Variants in NKAIN3 observed in about 807,000 individuals in gnomAD.
NKAIN3 encodes sodium/potassium-transporting ATPase subunit beta-1-interacting protein 3.
In NKAIN3, 25 loss-of-function variants were observed where a neutral mutation model predicts 30.2. The observed-to-expected ratio is 0.83, with a 90% confidence interval of 0.60 to 1.16. The LOEUF (loss-of-function observed/expected upper bound fraction) is 1.16, where lower values mean the gene tolerates loss of function less well. Among genes scored for constraint, NKAIN3 ranks in the 50% most tolerant of loss-of-function variants. The pLI is 0.00. For missense variants in NKAIN3, 225 were observed against 254.1 expected, an observed-to-expected ratio of 0.89 and a Z score of 0.78; for synonymous variants, 91 against 89.6, an observed-to-expected ratio of 1.02 and a Z score of -0.09.
chr8:62,993,139 G>A lies in NKAIN3; in HGVS notation c.533-6092G>A, dbSNP rs763571446. 9.2e-5 allele frequency among the ~76,000 whole-genome samples: 14 copies of A among 152,000 alleles called. 1 individual carries two copies. In the South Asian group the frequency reaches 1.7e-3, roughly 18 times the overall value. ...TTTTTAGGGGCCAGGCCTGGAAGTC[G>A]TCCACATTACCTCTTTCTGCCCACA... On this transcript the variant is annotated intron_variant, in intron 5 of 5. Transcript: ENST00000519049.
chr8:62,374,111 TC>T (rs1816994944), intron 1 of NKAIN3, among the ~76,000 whole-genome samples: 1 of 39,202 alleles, frequency 2.6e-5, no homozygotes, highest in African/African-American at 2.0e-4. Context: ...AGACTCCATC[TC>T]CAAAAAAAAA....
chr8:62,776,432 G>C (rs772507118), intron 4 of NKAIN3, among the ~76,000 whole-genome samples: 17 of 151,908 alleles, frequency 1.1e-4, no homozygotes, highest in Non-Finnish European at 2.2e-4. Flanking sequence ...GGCTTAGTTT[G>C]TGTGCATTTC....
intron 6 of NKAIN3, among the ~76,000 whole-genome samples, chr8:62,955,019 A>G (rs533900241): frequency 6.6e-6 from 1 of 152,254 alleles, no homozygotes; most frequent in Admixed American, 6.5e-5. Context: ...ACACATATGA[A>G]AAGTTTCACC....
intron 3 of NKAIN3, among the ~76,000 whole-genome samples, chr8:62,741,307 G>T (rs1035444727): frequency 6.6e-6 from 1 of 151,794 alleles, no homozygotes; most frequent in African/African-American, 2.4e-5. Flanking sequence ...AAGTGGGAAG[G>T]GGGAGAGGGA....
At chr8:62,962,807 A>C (rs1408378133) in intron 6 of NKAIN3, among the ~76,000 whole-genome samples, 3 of 152,214 alleles carry the variant, frequency 2.0e-5, no homozygotes, top group Non-Finnish European at 4.4e-5. Context: ...TGATAGGTGA[A>C]ACTTTAATAG....
intron 4 of NKAIN3, among the ~76,000 whole-genome samples, chr8:62,895,946 C>T (rs1334458167): frequency 1.3e-5 from 2 of 151,588 alleles, no homozygotes; most frequent in Non-Finnish European, 2.9e-5. Context: ...AAACCAAAAA[C>T]TCTGAGAATT....
At chr8:62,479,325 T>C (rs1806629286) in intron 1 of NKAIN3, among the ~76,000 whole-genome samples, 1 of 152,156 alleles carries the variant, frequency 6.6e-6, no homozygotes, top group Non-Finnish European at 1.5e-5. Context: ...TTTGGCCCCC[T>C]AAGCAACCCA....
intron 5 of NKAIN3, among the ~76,000 whole-genome samples, chr8:62,923,282 G>T (rs1822335605): frequency 6.6e-6 from 1 of 151,904 alleles, no homozygotes; most frequent in Admixed American, 6.6e-5. Context: ...CTGAGATCCT[G>T]CCACTGCACT....
chr8:62,603,864 T>C lies in NKAIN3; in HGVS notation c.273+14070T>C, dbSNP rs527761809. 8.7e-4 allele frequency among the ~76,000 whole-genome samples: 133 copies of C among 152,176 alleles called. 2 individuals are homozygous for C. Among genetic ancestry groups the C allele is most frequent in the Non-Finnish European group, 1.7e-3 (115 of 67,990 alleles). ...ATTAAATCAAATATATGAAGAAATA[T>C]GTGAAAAATGATTGGTCAGATTAGT... On this transcript the variant is annotated intron_variant, in intron 3 of 6. Coordinates refer to ENST00000623646, the MANE Select transcript of NKAIN3 (RefSeq NM_001304533.3).
chr8:62,426,174 G>A (rs1321885698), intron 1 of NKAIN3, among the ~76,000 whole-genome samples: 3 of 151,842 alleles, frequency 2.0e-5, no homozygotes, highest in African/African-American at 7.3e-5. Flanking sequence ...CATTGAGAAA[G>A]GATAATGAGA....
rs1441039686 is a variant in NKAIN3 at position 62,345,348 on chromosome 8, CATATACACATATATGTAT to C, written c.54+96249_54+96266del. ...ATACACATATATGTATATATACACA[CATATACACATATATGTAT>C]ATATACACATATATGTATATATACA... is the stretch of plus-strand genomic sequence containing the variant. On this transcript the variant is annotated intron_variant, in intron 1 of 6. Transcript: ENST00000623646. Among the ~76,000 whole-genome samples, 60 of 9,626 alleles carry C rather than the reference CATATACACATATATGTAT, an allele frequency of 6.2e-3. 1 individual carries two copies. Among genetic ancestry groups the C allele is most frequent in the South Asian group, 0.034 (7 of 208 alleles). The allele number at this position is 9,626 out of a possible 152,430, so 6.3% of individuals were successfully genotyped here. A position where few individuals can be genotyped will look rare whatever the true frequency, so the allele number is the denominator to read the frequency against.
intron 5 of NKAIN3, among the ~76,000 whole-genome samples, chr8:62,943,185 G>C (rs1043715386): frequency 6.6e-6 from 1 of 151,670 alleles, no homozygotes; most frequent in African/African-American, 2.4e-5. Flanking sequence ...AAACTAATCC[G>C]CAGGAAAAAA....
At chr8:62,866,401 G>A (rs911708417) in intron 4 of NKAIN3, among the ~76,000 whole-genome samples, 22 of 152,236 alleles carry the variant, frequency 1.4e-4, no homozygotes, top group Admixed American at 1.4e-3. Flanking sequence ...ACAAATTTTA[G>A]CAGCTTTTTT....
At chr8:62,903,691 A>G (rs1821680095) in intron 4 of NKAIN3, among the ~76,000 whole-genome samples, 1 of 152,200 alleles carries the variant, frequency 6.6e-6, no homozygotes, top group Admixed American at 6.5e-5. Context: ...TCACGCTGCT[A>G]TGAAGAAATA....
rs559547487 is a variant in NKAIN3 at position 62,428,693 on chromosome 8, G to T, written c.55-150846G>T. Among the ~76,000 whole-genome samples the T allele has an allele frequency of 6.6e-5, 10 of 151,922 alleles. No individual in the cohort carries two copies. In the South Asian group the frequency reaches 2.1e-3, roughly 31 times the overall value. ...GCACTTTTGCTCATTTTAAAATCAT[G>T]TTATTTGTTTATTTGTTATTGAGTT... is the stretch of plus-strand genomic sequence containing the variant. On this transcript the variant is annotated intron_variant, in intron 1 of 6. Coordinates refer to ENST00000623646, the MANE Select transcript of NKAIN3 (RefSeq NM_001304533.3).
intron 4 of NKAIN3, among the ~76,000 whole-genome samples, chr8:62,805,963 A>G (rs1423923199): frequency 3.9e-5 from 6 of 152,212 alleles, no homozygotes; most frequent in Non-Finnish European, 8.8e-5. Flanking sequence ...CAAGGAAAAA[A>G]CAAACAACCC....
chr8:62,731,866 C>T (rs1208456161), intron 3 of NKAIN3, among the ~76,000 whole-genome samples: 1 of 152,138 alleles, frequency 6.6e-6, no homozygotes, highest in Non-Finnish European at 1.5e-5. Flanking sequence ...TTCACTTGCA[C>T]CAAATCTCCT....
intron 3 of NKAIN3, among the ~76,000 whole-genome samples, chr8:62,707,322 T>C (rs1814563707): frequency 6.6e-6 from 1 of 152,178 alleles, no homozygotes; most frequent in Non-Finnish European, 1.5e-5. Context: ...CCATAGAGGC[T>C]GTACTAGTTT....
chr8:62,421,524 T>C (rs1428874061), intron 1 of NKAIN3, among the ~76,000 whole-genome samples: 2 of 152,046 alleles, frequency 1.3e-5, no homozygotes, highest in Non-Finnish European at 2.9e-5. Context: ...GGGGAATACA[T>C]ACACCATCTC....
Sources: gnomAD v4.1 joint callset for allele counts (sites outside exome capture counted in the v4.1 genomes callset) on GRCh38, gnomAD v4.1.1 for gene constraint, MANE v1.5 for transcripts, NCBI Gene and HGNC (gene_info 2026-07-23, HGNC 2026-07-21) for gene names.